Variants in ZC3H12B observed in about 807,000 individuals in gnomAD.
The protein encoded by ZC3H12B is probable ribonuclease ZC3H12B.
A neutral mutation model predicts 43.9 loss-of-function variants in ZC3H12B; 7 were observed. The observed-to-expected ratio is 0.16, with a 90% confidence interval of 0.09 to 0.30. The LOEUF is 0.30. Ranked by LOEUF, ZC3H12B falls within the 10% of genes least tolerant of loss-of-function variation. The probability of loss-of-function intolerance (pLI) is 1.00; values close to 1 mark genes in which losing one functional copy is unlikely to be tolerated. For synonymous variants in ZC3H12B, 222 were observed against 241.7 expected (o/e 0.92, Z 0.76); for missense variants, 475 against 670.2 (o/e 0.71, Z 3.22).
At chrX:65,179,094 C>T in the ZC3H12B span, among the ~76,000 whole-genome samples, 6 of 111,226 alleles carry the variant, frequency 5.4e-5, no homozygotes, top group Admixed American at 5.8e-4. Flanking sequence ...ATGATGAGTT[C>T]CTGCCCTTTG....
chrX:65,125,024 C>T, the ZC3H12B span, among the ~76,000 whole-genome samples: 1 of 110,130 alleles, frequency 9.1e-6, no homozygotes, highest in Middle Eastern at 4.2e-3. Flanking sequence ...CTTCTGCTGG[C>T]TTTGGGTTTG....
the ZC3H12B span, among the ~76,000 whole-genome samples, chrX:65,174,822 G>A: frequency 9.0e-6 from 1 of 111,512 alleles, no homozygotes; most frequent in Non-Finnish European, 1.9e-5. Context: ...ATGAAAGTGG[G>A]ACCTGCTGAA....
rs911927440 is a variant in ZC3H12B, at chrX:65,437,613, A to T, written n.407+38909A>T. On this transcript the variant is annotated intron_variant and non_coding_transcript_variant, in intron 3 of 5. Coordinates refer to the ZC3H12B transcript ENST00000617377. The stretch of plus-strand genomic sequence containing the variant: ...ATATTTTTAGATTTTTTTCTATTGA[A>T]TTGTTTGAGCTCCTTATATATTCTG... Among the ~76,000 whole-genome samples, 49 of 111,737 alleles carry T rather than the reference A, an allele frequency of 4.4e-4. 1 individual carries two copies. The highest frequency in any genetic ancestry group is 1.5e-3 in the African/African-American group (45 of 30,793).
At chrX:65,123,917 A>T in the ZC3H12B span, among the ~76,000 whole-genome samples, 3 of 110,378 alleles carry the variant, frequency 2.7e-5, no homozygotes, top group Non-Finnish European at 5.7e-5. Flanking sequence ...TTCTAAGTGT[A>T]TGATTATATC....
chrX:65,420,243 C>T (rs368737614), intron 3 of ZC3H12B, among the ~76,000 whole-genome samples: 1 of 111,885 alleles, frequency 8.9e-6, no homozygotes, highest in Non-Finnish European at 1.9e-5. Context: ...CTTCATACCA[C>T]CCCTCACAGA....
chrX:65,212,403 T>C, the ZC3H12B span, among the ~76,000 whole-genome samples: 172 of 58,644 alleles, frequency 2.9e-3, 2 homozygotes, highest in African/African-American at 0.012. Flanking sequence ...ATTATATTTA[T>C]ATTTATATTA....
At chrX:65,101,516 G>C in the ZC3H12B span, among the ~76,000 whole-genome samples, 1 of 111,634 alleles carries the variant, frequency 9.0e-6, no homozygotes, top group Non-Finnish European at 1.9e-5. Flanking sequence ...AAGAAGAAAA[G>C]AGAGAAGAAT....
At chrX:65,198,635 G>A in the ZC3H12B span, among the ~76,000 whole-genome samples, 256 of 111,553 alleles carry the variant, frequency 2.3e-3, 1 homozygote, top group African/African-American at 7.9e-3. Flanking sequence ...CTTTCTTTAT[G>A]TTTGACCTCC....
chrX:65,309,020 C>A, the ZC3H12B span, among the ~76,000 whole-genome samples: 1 of 111,144 alleles, frequency 9.0e-6, no homozygotes, highest in Non-Finnish European at 1.9e-5. Context: ...GCACTAAATG[C>A]CCACAAGAGA....
At chrX:65,117,650 G>T in the ZC3H12B span, among the ~76,000 whole-genome samples, 3 of 111,787 alleles carry the variant, frequency 2.7e-5, no homozygotes, top group Admixed American at 9.5e-5. Flanking sequence ...CCTATGTCCT[G>T]AATGGTATTG....
chrX:65,248,052 T>A, the ZC3H12B span, among the ~76,000 whole-genome samples: 103 of 86,991 alleles, frequency 1.2e-3, no homozygotes, highest in African/African-American at 9.1e-3. Context: ...CGAAAAAAAT[T>A]TTTTTTTTGT....
At chrX:65,235,378 A>G in the ZC3H12B span, among the ~76,000 whole-genome samples, 49 of 111,653 alleles carry the variant, frequency 4.4e-4, no homozygotes, top group African/African-American at 1.6e-3. Flanking sequence ...CTTTTTAATA[A>G]TTGCTATTTT....
At chrX:65,227,488 C>CAA in the ZC3H12B span, among the ~76,000 whole-genome samples, 1 of 109,951 alleles carries the variant, frequency 9.1e-6, no homozygotes, top group Admixed American at 9.7e-5. Context: ...AAAGCAAGAG[C>CAA]AAACACATTC....
At chrX:65,211,830 A>G in the ZC3H12B span, among the ~76,000 whole-genome samples, 2 of 80,852 alleles carry the variant, frequency 2.5e-5, no homozygotes, top group Non-Finnish European at 4.4e-5. Flanking sequence ...TATTATGTAT[A>G]CTATATAATA....
At chrX:65,055,989 T>G in the ZC3H12B span, among the ~76,000 whole-genome samples, 195 of 112,047 alleles carry the variant, frequency 1.7e-3, 1 homozygote, top group African/African-American at 6.3e-3. Context: ...TTCTTCTTTT[T>G]TAGTCTTGCT....
the ZC3H12B span, among the ~76,000 whole-genome samples, chrX:65,125,660 T>G: frequency 9.0e-6 from 1 of 111,261 alleles, no homozygotes; most frequent in East Asian, 2.8e-4. Flanking sequence ...GGAGCTCCAG[T>G]GGTAAGTGCA....
chrX:65,310,154 A>G, the ZC3H12B span, among the ~76,000 whole-genome samples: 3 of 111,857 alleles, frequency 2.7e-5, no homozygotes, highest in Non-Finnish European at 5.6e-5. Flanking sequence ...GGCCAGGGCA[A>G]TCAGGCAAGA....
chrX:65,118,658 T>C, the ZC3H12B span, among the ~76,000 whole-genome samples: 2 of 110,390 alleles, frequency 1.8e-5, no homozygotes, highest in African/African-American at 3.3e-5. Context: ...TTTTTTTTTG[T>C]TTTTTATTAT....
At chrX:65,230,014 A>G in the ZC3H12B span, among the ~76,000 whole-genome samples, 1 of 111,396 alleles carries the variant, frequency 9.0e-6, no homozygotes, top group Non-Finnish European at 1.9e-5. Context: ...ATACCATTTG[A>G]CCCAGCCATC....
Sources: gnomAD v4.1 joint callset for allele counts (sites outside exome capture counted in the v4.1 genomes callset) on GRCh38, gnomAD v4.1.1 for gene constraint, MANE v1.5 for transcripts, NCBI Gene and HGNC (gene_info 2026-07-23, HGNC 2026-07-21) for gene names.